The following ABI2 variants were observed in gnomAD, a reference collection of about 807,000 sequenced individuals.
The protein encoded by ABI2 is abl interactor 2, also known as abelson interactor 2.
ABI2 carries 25 observed loss-of-function variants against 59.2 expected under a neutral mutation model. The ratio of observed to expected loss-of-function variants is 0.42; its 90% confidence interval spans 0.31 to 0.59. The LOEUF (loss-of-function observed/expected upper bound fraction) is 0.59. ABI2 is among the 20% of genes least tolerant of loss of function. The pLI is 0.14. For missense variants in ABI2, 545 were observed against 681.8 expected, an observed-to-expected ratio of 0.80 and a Z score of 2.23; for synonymous variants, 213 against 235.5, an observed-to-expected ratio of 0.90 and a Z score of 0.87.
chr2:203,423,422 T>A (rs2098298634), intron 11 of ABI2, among the ~76,000 whole-genome samples: 1 of 152,054 alleles, frequency 6.6e-6, no homozygotes, highest in South Asian at 2.1e-4. Flanking sequence ...AGAGAAAAAA[T>A]CATCTGGGTC....
intron 5 of ABI2, 22 bp downstream of exon 5, chr2:203,391,165 G>A: frequency 6.6e-7 from 1 of 1,515,062 alleles, no homozygotes; most frequent in Non-Finnish European, 9.0e-7. Flanking sequence ...AGTAGTAATT[G>A]AAAACCATTT....
intron 4 of ABI2, among the ~76,000 whole-genome samples, chr2:203,387,331 A>G (rs77434733): frequency 1.3e-5 from 2 of 152,196 alleles, no homozygotes; most frequent in Non-Finnish European, 2.9e-5. Flanking sequence ...GTAGAGCAGG[A>G]TAGGTAGGAG....
chr2:203,333,093 G>A (rs2074664119), intron 1 of ABI2, among the ~76,000 whole-genome samples: 1 of 152,078 alleles, frequency 6.6e-6, no homozygotes. Flanking sequence ...AGGTTTACAA[G>A]GGAATATTAT....
chr2:203,378,459 G>A (rs1027901956), intron 2 of ABI2, among the ~76,000 whole-genome samples: 1 of 152,100 alleles, frequency 6.6e-6, no homozygotes, highest in African/African-American at 2.4e-5. Context: ...TACTACCATG[G>A]TTAGTTTTTT....
chr2:203,390,533 G>A (rs1010498018), intron 4 of ABI2, among the ~76,000 whole-genome samples: 17 of 152,104 alleles, frequency 1.1e-4, no homozygotes, highest in Non-Finnish European at 2.4e-4. Context: ...TTGGGAGGCT[G>A]AGGCAGGAGA....
At chr2:203,404,454 A>G (rs989456752) in intron 9 of ABI2, among the ~76,000 whole-genome samples, 1 of 152,210 alleles carries the variant, frequency 6.6e-6, no homozygotes, top group Non-Finnish European at 1.5e-5. Flanking sequence ...TTAAATTTTG[A>G]CAAAACTGCC....
intron 1 of ABI2, among the ~76,000 whole-genome samples, chr2:203,338,025 G>T (rs548835680): frequency 1.3e-5 from 2 of 152,136 alleles, no homozygotes; most frequent in East Asian, 3.9e-4. Context: ...GCGAGACTCT[G>T]TCTCAAAAAA....
rs567937123 is a variant in ABI2, at chr2:203,427,705, TCTC to T, written c.*359_*361del. On this transcript the variant is annotated 3_prime_UTR_variant, in exon 12 of 12. Coordinates refer to ENST00000261018, the MANE Select transcript of ABI2 (RefSeq NM_001375670.1). ...AGGAATACTGTATACCCTTGGGATT[TCTC>T]CTCCTGCAGAATCTGTGGCATTGGA... is the stretch of plus-strand genomic sequence containing the variant. 1.5e-3 allele frequency: 257 copies of T among 168,118 alleles called. No individual in the cohort carries two copies. Among genetic ancestry groups the T allele is most frequent in the African/African-American group, 6.0e-3 (253 of 42,134 alleles). 10.4% of individuals were successfully genotyped at this position (168,118 alleles called of 1,614,324 possible).
chr2:203,374,498 C>CAAAAAAAA (rs777951265), intron 2 of ABI2, among the ~76,000 whole-genome samples: 7 of 53,858 alleles, frequency 1.3e-4, no homozygotes, highest in South Asian at 6.1e-4. Flanking sequence ...GACTCTGTCT[C>CAAAAAAAA]AAAAAAAAAA....
chr2:203,371,014 G>A (rs2095125980), intron 2 of ABI2, among the ~76,000 whole-genome samples: 1 of 152,164 alleles, frequency 6.6e-6, no homozygotes, highest in Admixed American at 6.5e-5. Context: ...AGGGCATCTA[G>A]GCTTTACCCT....
At chr2:203,348,648 A>AT (rs961931335) in intron 1 of ABI2, among the ~76,000 whole-genome samples, 2 of 152,086 alleles carry the variant, frequency 1.3e-5, no homozygotes, top group African/African-American at 4.8e-5. Flanking sequence ...TTATCTTATT[A>AT]TTTTTTTAAT....
Position 203,430,077 on chromosome 2 carries a change from G to C in ABI2, c.*2725G>C, listed in dbSNP as rs1284659980. 1 of 152,084 alleles carries C rather than the reference G, an allele frequency of 6.6e-6. No individual in the cohort carries two copies. Among genetic ancestry groups the C allele is most frequent in the East Asian group, 1.9e-4 (1 of 5,198 alleles). The allele number at this position is 152,084 out of a possible 1,614,324, so 9.4% of individuals were successfully genotyped here. Reference sequence around the variant, plus strand: ...GTTTTGAATTCTATAGATTGTCTTGGAAGGATACTGTGTGATGGGTCAGGC... The same window carrying C: ...GTTTTGAATTCTATAGATTGTCTTGCAAGGATACTGTGTGATGGGTCAGGC... On this transcript the variant is annotated 3_prime_UTR_variant, in exon 12 of 12. Coordinates refer to ENST00000261018, the MANE Select transcript of ABI2 (RefSeq NM_001375670.1).
intron 9 of ABI2, among the ~76,000 whole-genome samples, chr2:203,404,224 T>C (rs2097338309): frequency 6.6e-6 from 1 of 152,234 alleles, no homozygotes; most frequent in Admixed American, 6.5e-5. Context: ...GGAATATTGC[T>C]CAGGAACTGT....
rs890381514 is a variant in ABI2, at chr2:203,375,702, G to A, written c.286-4506G>A. Among the ~76,000 whole-genome samples, 3 of 152,320 alleles carry A rather than the reference G, an allele frequency of 2.0e-5. No homozygotes were observed. The South Asian group carries it at 6.2e-4, about 32-fold the overall frequency. On this transcript the variant is annotated intron_variant, in intron 2 of 11. Transcript: ENST00000261018. ...TGAATGTTAAAGCTGCATGATAGAT[G>A]TGAGGAGGGAGTGTTTATTATTCTA...
chr2:203,382,077 A>G, intron 3 of ABI2, 112 bp from the exon 4 acceptor site: 1 of 849,786 alleles, frequency 1.2e-6, no homozygotes, highest in African/African-American at 1.7e-5. Flanking sequence ...TTAATGCTGA[A>G]TGCTTAACTT....
At chr2:203,396,472 T>C (rs1011563609) in intron 7 of ABI2, among the ~76,000 whole-genome samples, 1 of 152,322 alleles carries the variant, frequency 6.6e-6, no homozygotes, top group African/African-American at 2.4e-5. Context: ...TAGTTTTGTA[T>C]ACTATATACA....
Position 203,368,984 on chromosome 2 carries a change from A to AATTTTTTTTTT in ABI2, c.285+1940_285+1941insATTTTTTTTTT, listed in dbSNP as rs1312712237. Among the ~76,000 whole-genome samples the AATTTTTTTTTT allele has an allele frequency of 2.2e-5, 2 of 91,118 alleles. 1 individual carries two copies. Among genetic ancestry groups the AATTTTTTTTTT allele is most frequent in the African/African-American group, 8.9e-5 (2 of 22,452 alleles). 59.8% of individuals were successfully genotyped at this position (91,118 alleles called of 152,430 possible). On this transcript the variant is annotated intron_variant, in intron 2 of 11. Coordinates refer to ENST00000261018, the MANE Select transcript of ABI2 (RefSeq NM_001375670.1). ...TACAGGCACGTGCCATGCTTGGCTGATTTTTTTTTTTTTTTTTTTTTTTTT... is the reference window on the plus strand; with the variant it reads ...TACAGGCACGTGCCATGCTTGGCTGAATTTTTTTTTTTTTTTTTTTTTTTTTTTTTTTTTTT...
At chr2:203,420,536 G>A (rs751471965) in intron 11 of ABI2, among the ~76,000 whole-genome samples, 1 of 152,046 alleles carries the variant, frequency 6.6e-6, no homozygotes, top group Non-Finnish European at 1.5e-5. Context: ...TGGGACTACA[G>A]GCACCTGCCA....
At position 203,428,067 on chromosome 2, in the gene ABI2, C is replaced by A. The variant is rs1581204178; in HGVS notation, c.*715C>A. ...CCCGTTTGATTTTAATGTGCTGCTG[C>A]ATGAGACTGCATTGTTGCTAATGGC... is the stretch of plus-strand genomic sequence containing the variant. On this transcript the variant is annotated 3_prime_UTR_variant, in exon 12 of 12. Coordinates refer to ENST00000261018, the MANE Select transcript of ABI2 (RefSeq NM_001375670.1). The A allele has an allele frequency of 6.6e-6, 1 of 152,196 alleles. No homozygotes were observed. The highest frequency in any genetic ancestry group is 2.4e-5 in the African/African-American group (1 of 41,432). The allele number at this position is 152,196 out of a possible 1,614,324, so 9.4% of individuals were successfully genotyped here. A position where few individuals can be genotyped will look rare whatever the true frequency, so the allele number is the denominator to read the frequency against.
Sources: allele counts gnomAD v4.1 joint callset (sites outside exome capture counted in the v4.1 genomes callset), GRCh38; gene constraint gnomAD v4.1.1; transcripts MANE v1.5; gene names NCBI Gene and HGNC (gene_info 2026-07-23, HGNC 2026-07-21).